GEMIN2: variants seen among roughly 807,000 people sequenced by gnomAD.
GEMIN2 encodes the protein gem nuclear organelle associated protein 2.
GEMIN2 carries 37 observed loss-of-function variants against 45.8 expected under a neutral mutation model. The ratio of observed to expected loss-of-function variants is 0.81; its 90% confidence interval spans 0.62 to 1.06. The LOEUF is 1.06. Among genes scored for constraint, GEMIN2 ranks in the 50% least tolerant of loss-of-function variants. The probability of loss-of-function intolerance (pLI) is 0.00; values close to 1 mark genes in which losing one functional copy is unlikely to be tolerated. For synonymous variants in GEMIN2, 101 were observed against 111.5 expected (o/e 0.91, Z 0.60); for missense variants, 335 against 321.8 (o/e 1.04, Z -0.31).
At chr14:39,132,288 T>G (rs1594520724) in intron 8 of GEMIN2, among the ~76,000 whole-genome samples, 1 of 152,062 alleles carries the variant, frequency 6.6e-6, no homozygotes, top group African/African-American at 2.4e-5. Context: ...CCCAGCACTT[T>G]GGGAGGCTGA....
Position 39,125,006 on chromosome 14 carries a change from C to T in GEMIN2, c.501C>T (p.Pro167=). 6.8e-7 allele frequency: 1 copy of T among 1,476,150 alleles called. No individual in the cohort carries two copies. The highest frequency in any genetic ancestry group is 9.5e-7 in the Non-Finnish European group (1 of 1,056,912). 91.4% of individuals were successfully genotyped at this position (1,476,150 alleles called of 1,614,324 possible). Residue 167 remains proline (P), a synonymous_variant, in exon 6 of 10, where the codon CCC becomes CCT. Coordinates refer to ENST00000308317, the MANE Select transcript of GEMIN2 (RefSeq NM_003616.3). The part of the protein sequence containing the change: ...GIDYVQIGFP[P]LLSIVSRMNQ... ...TTTTCTTTCAGATTGGTTTTCCTCC[C>T]TTGCTTAGTATTGTTAGCAGAATGA... is the stretch of plus-strand genomic sequence containing the variant.
rs546041076 is a variant in GEMIN2, at chr14:39,128,266, CT to C, written c.532-3del. 48,765 of 1,014,350 alleles carry C rather than the reference CT, an allele frequency of 0.048. No homozygotes were observed. The highest frequency in any genetic ancestry group is 0.056 in the South Asian group (3,010 of 53,854). 62.8% of individuals were successfully genotyped at this position (1,014,350 alleles called of 1,614,324 possible). A position where few individuals can be genotyped will look rare whatever the true frequency, so the allele number is the denominator to read the frequency against. The stretch of plus-strand genomic sequence containing the variant: ...TTAATACAACTCTTCTCCACCCCCT[CT>C]TTTTTTTTTTAGGCAACAGTAACTA... On this transcript the variant is annotated splice_polypyrimidine_tract_variant and intron_variant, in intron 6 of 9. Transcript: ENST00000308317.
At position 39,136,650 on chromosome 14, in the gene GEMIN2, T is replaced by TATC; in HGVS notation, c.*172_*174dup. 1 of 500,778 alleles carries TATC rather than the reference T, an allele frequency of 2.0e-6. No individual in the cohort carries two copies. Among genetic ancestry groups the TATC allele is most frequent in the East Asian group, 3.1e-5 (1 of 32,284 alleles). 31.0% of individuals were successfully genotyped at this position (500,778 alleles called of 1,614,324 possible). ...TACTCAGAATATGGGTTGATTTGAA[T>TATC]ATCTGAAATATCAATGGAAAATCCC... On this transcript the variant is annotated 3_prime_UTR_variant, in exon 10 of 10. Transcript: ENST00000308317.
intron 4 of GEMIN2, among the ~76,000 whole-genome samples, chr14:39,120,004 G>C (rs1310479612): frequency 6.6e-6 from 1 of 152,156 alleles, no homozygotes; most frequent in Non-Finnish European, 1.5e-5. Flanking sequence ...GGGCTAGGTA[G>C]GTAAATATAT....
rs2052783619 is a variant in GEMIN2, at chr14:39,136,488, A to C, written c.*9A>C. ...CTGATGAGCCATCTTGATGTAGCTGATCTCTCAGGGATAGAAGATATTTCT... is the reference window on the plus strand; with the variant it reads ...CTGATGAGCCATCTTGATGTAGCTGCTCTCTCAGGGATAGAAGATATTTCT... On this transcript the variant is annotated 3_prime_UTR_variant, in exon 10 of 10. Coordinates refer to ENST00000308317, the MANE Select transcript of GEMIN2 (RefSeq NM_003616.3). The C allele has an allele frequency of 3.1e-6, 5 of 1,598,810 alleles. No individual in the cohort carries two copies. The highest frequency in any genetic ancestry group is 3.3e-4 in the Middle Eastern group (2 of 6,052).
chr14:39,124,926 G>C (rs770394328), intron 5 of GEMIN2, 66 bp from the exon 6 acceptor site: 63 of 799,762 alleles, frequency 7.9e-5, no homozygotes, highest in Non-Finnish European at 1.3e-4. Flanking sequence ...AAATTCACCA[G>C]TTTGAAAAAA....
intron 4 of GEMIN2, among the ~76,000 whole-genome samples, chr14:39,120,169 A>T (rs991976931): frequency 6.6e-6 from 1 of 152,236 alleles, no homozygotes; most frequent in African/African-American, 2.4e-5. Context: ...AGAACAGTGG[A>T]ATATTATGTA....
intron 9 of GEMIN2, among the ~76,000 whole-genome samples, chr14:39,135,756 T>C (rs2052774113): frequency 6.6e-6 from 1 of 152,182 alleles, no homozygotes; most frequent in South Asian, 2.1e-4. Flanking sequence ...TATTTAATCT[T>C]ATAATTACAT....
At chr14:39,119,546 T>A (rs1310010851) in intron 4 of GEMIN2, among the ~76,000 whole-genome samples, 2 of 150,492 alleles carry the variant, frequency 1.3e-5, no homozygotes, top group Non-Finnish European at 3.0e-5. Flanking sequence ...AAGCTATTTA[T>A]CTTCAGAGGG....
intron 2 of GEMIN2, among the ~76,000 whole-genome samples, chr14:39,115,168 T>G (rs1330722300): frequency 6.6e-6 from 1 of 152,066 alleles, no homozygotes; most frequent in African/African-American, 2.4e-5. Context: ...TTCAAAGGAG[T>G]CTTTAAATGG....
intron 8 of GEMIN2, among the ~76,000 whole-genome samples, chr14:39,133,448 C>G (rs940808103): frequency 1.3e-5 from 2 of 149,972 alleles, no homozygotes; most frequent in Non-Finnish European, 3.0e-5. Flanking sequence ...TTTCCCTATT[C>G]AGAATCTTTA....
chr14:39,127,215 C>T (rs145118708), intron 6 of GEMIN2, among the ~76,000 whole-genome samples: 2,407 of 151,158 alleles, frequency 0.016, 61 homozygotes, highest in African/African-American at 0.05. Context: ...CTCAGCCTCC[C>T]GAGTAGCTAG....
chr14:39,126,840 A>G (rs1250650377), intron 6 of GEMIN2, among the ~76,000 whole-genome samples: 1 of 152,152 alleles, frequency 6.6e-6, no homozygotes, highest in African/African-American at 2.4e-5. Context: ...ATCTTGGCTC[A>G]CTGCAACCTC....
At chr14:39,117,912 T>A in intron 2 of GEMIN2, 87 bp from the exon 3 acceptor site, 1 of 602,500 alleles carries the variant, frequency 1.7e-6, no homozygotes, top group South Asian at 2.2e-5. Context: ...ATACACTTTA[T>A]CTTGGTTTTA....
chr14:39,129,342 C>G (rs1451303654), intron 7 of GEMIN2, among the ~76,000 whole-genome samples: 1 of 152,136 alleles, frequency 6.6e-6, no homozygotes, highest in African/African-American at 2.4e-5. Context: ...ATGCATTTCT[C>G]AGAATATATC....
intron 6 of GEMIN2, among the ~76,000 whole-genome samples, chr14:39,127,948 A>G (rs1276871777): frequency 6.6e-6 from 1 of 151,832 alleles, no homozygotes; most frequent in African/African-American, 2.4e-5. Flanking sequence ...CACGCATGTA[A>G]TCTCAGCTAC....
chr14:39,136,493 T>C lies in GEMIN2; in HGVS notation c.*14T>C. On this transcript the variant is annotated 3_prime_UTR_variant, in exon 10 of 10. Coordinates refer to ENST00000308317, the MANE Select transcript of GEMIN2 (RefSeq NM_003616.3). ...GAGCCATCTTGATGTAGCTGATCTC[T>C]CAGGGATAGAAGATATTTCTCATGA... 1 of 1,595,504 alleles carries C rather than the reference T, an allele frequency of 6.3e-7. No individual in the cohort carries two copies. Among genetic ancestry groups the C allele is most frequent in the Non-Finnish European group, 8.6e-7 (1 of 1,164,412 alleles).
chr14:39,128,809 G>A (rs958280715), intron 7 of GEMIN2, among the ~76,000 whole-genome samples: 1 of 151,880 alleles, frequency 6.6e-6, no homozygotes, highest in African/African-American at 2.4e-5. Context: ...GCGGCCTTTT[G>A]TGTTTTTTAA....
chr14:39,124,016 T>C (rs909071461), intron 5 of GEMIN2, among the ~76,000 whole-genome samples: 1 of 151,952 alleles, frequency 6.6e-6, no homozygotes, highest in African/African-American at 2.4e-5. Context: ...GCTGGGATTA[T>C]AGGCATGAGC....
Sources: gnomAD v4.1 joint callset for allele counts (sites outside exome capture counted in the v4.1 genomes callset) on GRCh38, gnomAD v4.1.1 for gene constraint, MANE v1.5 for transcripts, NCBI Gene and HGNC (gene_info 2026-07-23, HGNC 2026-07-21) for gene names.